Variants in TENM3 observed in about 807,000 individuals in gnomAD.
TENM3 encodes the protein teneurin-3.
TENM3 carries 63 observed loss-of-function variants against 255.1 expected under a neutral mutation model. The ratio of observed to expected loss-of-function variants is 0.25; its 90% CI spans 0.20 to 0.30. The LOEUF is 0.30. TENM3 is among the 10% of genes least tolerant of loss of function. TENM3 has a pLI of 1.00. For synonymous variants in TENM3, 1,306 were observed against 1,322.3 expected, an observed-to-expected ratio of 0.99 and a Z score of 0.27; for missense variants, 2,929 against 3,461.1, an observed-to-expected ratio of 0.85 and a Z score of 3.86.
At chr4:182,613,541 T>C (rs545714991) in intron 4 of TENM3, among the ~76,000 whole-genome samples, 1 of 152,276 alleles carries the variant, frequency 6.6e-6, no homozygotes, top group South Asian at 2.1e-4. Flanking sequence ...GTGGTTATGC[T>C]TAAATTTTAT....
At chr4:182,167,364 T>G (rs1203447411) in intron 1 of TENM3, among the ~76,000 whole-genome samples, 1 of 152,208 alleles carries the variant, frequency 6.6e-6, no homozygotes, top group East Asian at 1.9e-4. Context: ...AGTAGAAAGT[T>G]GAATGAATAA....
At chr4:181,748,597 G>A in the TENM3 span, among the ~76,000 whole-genome samples, 1 of 152,016 alleles carries the variant, frequency 6.6e-6, no homozygotes, top group African/African-American at 2.4e-5. Flanking sequence ...GGCGAGTAAA[G>A]AAACAGACTT....
chr4:181,797,792 G>A, the TENM3 span, among the ~76,000 whole-genome samples: 2 of 152,190 alleles, frequency 1.3e-5, no homozygotes, highest in Non-Finnish European at 2.9e-5. Flanking sequence ...TAATGTGGGG[G>A]CTTCTGCCTG....
At chr4:182,306,775 T>A (rs1762158509) in intron 1 of TENM3, among the ~76,000 whole-genome samples, 1 of 152,172 alleles carries the variant, frequency 6.6e-6, no homozygotes, top group African/African-American at 2.4e-5. Context: ...AGATAAAGTA[T>A]GAGAGGAGAA....
intron 1 of TENM3, among the ~76,000 whole-genome samples, chr4:182,152,283 A>G (rs1750402620): frequency 6.6e-6 from 1 of 151,960 alleles, no homozygotes; most frequent in African/African-American, 2.4e-5. Flanking sequence ...TATGTTTATA[A>G]GTTGATATTT....
At chr4:182,546,737 G>T (rs1436714762) in intron 3 of TENM3, among the ~76,000 whole-genome samples, 1 of 152,170 alleles carries the variant, frequency 6.6e-6, no homozygotes, top group East Asian at 1.9e-4. Flanking sequence ...TCCTACCAGA[G>T]ATTTAATCTG....
intron 2 of TENM3, among the ~76,000 whole-genome samples, chr4:182,329,161 C>T (rs942003773): frequency 2.0e-4 from 31 of 152,178 alleles, no homozygotes; most frequent in African/African-American, 7.5e-4. Context: ...ATCGAGGGTA[C>T]ACATGACATC....
At chr4:182,340,337 A>G (rs941208007) in intron 2 of TENM3, among the ~76,000 whole-genome samples, 1 of 152,182 alleles carries the variant, frequency 6.6e-6, no homozygotes, top group African/African-American at 2.4e-5. Context: ...GTCATCAATT[A>G]GATTATGAGT....
chr4:181,925,144 A>C, the TENM3 span, among the ~76,000 whole-genome samples: 3 of 152,178 alleles, frequency 2.0e-5, no homozygotes, highest in African/African-American at 7.2e-5. Context: ...TATATTAAGA[A>C]GCATGGTTGA....
chr4:182,008,098 A>T, the TENM3 span, among the ~76,000 whole-genome samples: 1 of 152,152 alleles, frequency 6.6e-6, no homozygotes, highest in East Asian at 1.9e-4. Context: ...GTCTGCTGTT[A>T]GTCTGATGGG....
chr4:181,677,569 C>T, the TENM3 span, among the ~76,000 whole-genome samples: 1 of 152,120 alleles, frequency 6.6e-6, no homozygotes, highest in African/African-American at 2.4e-5. Flanking sequence ...GACAACATAG[C>T]CTCCTAGTTA....
At chr4:182,661,611 C>T (rs2152531039) in intron 6 of TENM3, among the ~76,000 whole-genome samples, 1 of 152,244 alleles carries the variant, frequency 6.6e-6, no homozygotes, top group Admixed American at 6.5e-5. Flanking sequence ...TGTGATGTAA[C>T]ACTCTGTATC....
intron 1 of TENM3, among the ~76,000 whole-genome samples, chr4:182,166,653 A>G (rs113975087): frequency 0.076 from 11,578 of 151,898 alleles, 746 homozygotes; most frequent in East Asian, 0.25. Flanking sequence ...TTCTTTTGTG[A>G]CAGAGTCTTG....
the TENM3 span, among the ~76,000 whole-genome samples, chr4:181,751,880 A>G: frequency 6.6e-6 from 1 of 152,156 alleles, no homozygotes; most frequent in South Asian, 2.1e-4. Context: ...TAAGAACAGA[A>G]AAGAAGGCAC....
intron 3 of TENM3, among the ~76,000 whole-genome samples, chr4:182,422,713 G>A (rs1462981156): frequency 6.6e-6 from 1 of 152,184 alleles, no homozygotes; most frequent in Non-Finnish European, 1.5e-5. Context: ...AATATATCTG[G>A]ACAAAAATTT....
the TENM3 span, among the ~76,000 whole-genome samples, chr4:181,489,811 G>A: frequency 6.6e-6 from 1 of 152,038 alleles, no homozygotes; most frequent in African/African-American, 2.4e-5. Context: ...GCCCAACATA[G>A]CTTGCAATTT....
intron 1 of TENM3, among the ~76,000 whole-genome samples, chr4:182,172,954 A>G (rs1752204941): frequency 6.6e-6 from 1 of 152,220 alleles, no homozygotes; most frequent in Non-Finnish European, 1.5e-5. Flanking sequence ...CAACATGAAT[A>G]AACATGAGCA....
the TENM3 span, among the ~76,000 whole-genome samples, chr4:182,137,623 C>A: frequency 6.6e-6 from 1 of 152,168 alleles, no homozygotes; most frequent in African/African-American, 2.4e-5. Flanking sequence ...CCCTGCTGTG[C>A]TCCTGGCTGC....
At chr4:181,728,674 G>T in the TENM3 span, among the ~76,000 whole-genome samples, 1 of 152,276 alleles carries the variant, frequency 6.6e-6, no homozygotes, top group African/African-American at 2.4e-5. Flanking sequence ...GTTTTGGCCA[G>T]CTTCTTTACT....
Sources: allele counts gnomAD v4.1 joint callset (sites outside exome capture counted in the v4.1 genomes callset), GRCh38; gene constraint gnomAD v4.1.1; transcripts MANE v1.5; gene names NCBI Gene and HGNC (gene_info 2026-07-23, HGNC 2026-07-21).